Variants in ABCC11 observed in about 807,000 individuals in gnomAD.
ABCC11 encodes the protein ATP-binding cassette sub-family C member 11.
In ABCC11, 135 loss-of-function variants were observed where a neutral mutation model predicts 149.3. The observed-to-expected ratio is 0.90, with a 90% confidence interval of 0.79 to 1.04. The LOEUF is 1.04. Among genes scored for constraint, ABCC11 ranks in the 50% least tolerant of loss-of-function variants. ABCC11 has a pLI of 0.00. For missense variants in ABCC11, 1,680 were observed against 1,722.1 expected, an observed-to-expected ratio of 0.98 and a Z score of 0.43; for synonymous variants, 665 against 671.4, an observed-to-expected ratio of 0.99 and a Z score of 0.15.
chr16:48,246,338 T>G (rs1259508252), intron 1 of ABCC11, among the ~76,000 whole-genome samples: 1 of 152,238 alleles, frequency 6.6e-6, no homozygotes, highest in East Asian at 1.9e-4. Context: ...AACATACGAC[T>G]CTGCTCCTTC....
rs2150808368 is a variant in ABCC11 at position 48,197,962 on chromosome 16, C to T, written c.2314+9G>A. 5 of 1,613,584 alleles carry T rather than the reference C, an allele frequency of 3.1e-6. No individual in the cohort carries two copies. The highest frequency in any genetic ancestry group is 4.2e-6 in the Non-Finnish European group (5 of 1,179,854). On this transcript the variant is annotated intron_variant, in intron 17 of 29. Transcript: ENST00000356608. The stretch of plus-strand genomic sequence containing the variant: ...GCAGACATTCTTGTCCTATCTCCCA[C>T]ACCATTACCAGCATTTCCGTTGAGA...
chr16:48,221,905 T>C (rs1217238371), intron 6 of ABCC11, among the ~76,000 whole-genome samples: 1 of 151,658 alleles, frequency 6.6e-6, no homozygotes, highest in African/African-American at 2.4e-5. Flanking sequence ...CCATGCCTGG[T>C]TAATTTTTGT....
At chr16:48,244,896 C>T (rs189263230) in intron 1 of ABCC11, among the ~76,000 whole-genome samples, 19 of 152,328 alleles carry the variant, frequency 1.2e-4, no homozygotes, top group Admixed American at 5.9e-4. Flanking sequence ...TCTTCCCCCT[C>T]TCCGCAATTC....
At chr16:48,234,714 G>A (rs563075887) in intron 1 of ABCC11, among the ~76,000 whole-genome samples, 18 of 152,290 alleles carry the variant, frequency 1.2e-4, no homozygotes, top group African/African-American at 4.1e-4. Context: ...GAGAGTCATG[G>A]AGAGATCTTG....
At chr16:48,245,071 G>C (rs1971282349) in intron 1 of ABCC11, among the ~76,000 whole-genome samples, 1 of 151,880 alleles carries the variant, frequency 6.6e-6, no homozygotes, top group South Asian at 2.1e-4. Flanking sequence ...ATTTTTGTCC[G>C]CTGAGGCATT....
rs1596825965 is a variant in ABCC11 at position 48,225,122 on chromosome 16, G to A, written c.396-693C>T. 2.0e-5 allele frequency among the ~76,000 whole-genome samples: 3 copies of A among 151,870 alleles called. No individual in the cohort carries two copies. In the South Asian group the frequency reaches 6.3e-4, roughly 32 times the overall value. The stretch of plus-strand genomic sequence containing the variant: ...AGCTACTCGGGAGGCTGAGGCAGGA[G>A]AATGGCTTGAACCCGGGAGGTGAGT... On this transcript the variant is annotated intron_variant, in intron 4 of 29. Transcript: ENST00000356608.
Position 48,196,280 on chromosome 16 carries a change from C to T in ABCC11, c.2356G>A (p.Gly786Ser), listed in dbSNP as rs765235127. 5.0e-6 allele frequency: 8 copies of T among 1,614,178 alleles called. No homozygotes were observed. Among genetic ancestry groups the T allele is most frequent in the Non-Finnish European group, 5.9e-6 (7 of 1,180,026 alleles). Residue 786 changes from glycine (G) to serine (S), a missense_variant, in exon 18 of 30, where the codon GGC (glycine) becomes AGC (serine). Coordinates refer to ENST00000356608, the MANE Select transcript of ABCC11 (RefSeq NM_001370497.1). ...TGGTAGACCCTCCAACTCAAGGAGC[C>T]TTCTTCCATCTCCTCCTCCTGTGTG... Reference protein sequence around the residue: ...QLTQEEEMEEGSLSWRVYHHY... With the variant: ...QLTQEEEMEESSLSWRVYHHY...
At chr16:48,228,026 A>G in intron 3 of ABCC11, 62 bp from the exon 4 acceptor site, 1 of 1,478,002 alleles carries the variant, frequency 6.8e-7, no homozygotes, top group Non-Finnish European at 9.2e-7. Context: ...AGGATGAATG[A>G]CAACCATATT....
chr16:48,245,376 C>T (rs1339091693), intron 1 of ABCC11, among the ~76,000 whole-genome samples: 1 of 152,140 alleles, frequency 6.6e-6, no homozygotes, highest in African/African-American at 2.4e-5. Flanking sequence ...ACCTCTATTT[C>T]TTTTATTCTG....
At chr16:48,240,885 G>A (rs1244559498) in intron 1 of ABCC11, among the ~76,000 whole-genome samples, 12 of 151,788 alleles carry the variant, frequency 7.9e-5, no homozygotes, top group Admixed American at 6.6e-5. Context: ...GATTCAAATC[G>A]TCATTAATAA....
chr16:48,200,397 A>T lies in ABCC11; in HGVS notation c.1961T>A (p.Ile654Asn), dbSNP rs370988160. 1.2e-6 allele frequency: 2 copies of T among 1,614,104 alleles called. No individual in the cohort carries two copies. The highest frequency in any genetic ancestry group is 1.1e-5 in the South Asian group (1 of 91,092). The change falls in exon 15 of 30, where the codon ATC (isoleucine) becomes AAC (asparagine). Residue 654 changes from isoleucine to asparagine, a missense_variant. Ile to Asn is a moderately radical substitution (Grantham distance 149). Coordinates refer to ENST00000356608, the MANE Select transcript of ABCC11 (RefSeq NM_001370497.1). ...LARAVYSDRQIYLLDDPLSAV... is the reference protein window; with the variant it reads ...LARAVYSDRQNYLLDDPLSAV... The stretch of plus-strand genomic sequence containing the variant: ...AGACAGGGGGTCGTCCAGCAGGTAG[A>T]TCTGACGGTCGGAATAGACGGCGCG...
At position 48,167,610 on chromosome 16, in the gene ABCC11, G is replaced by A. The variant is rs757944315; in HGVS notation, c.3942C>T (p.Thr1314=). The change falls in exon 29 of 30, where the codon ACC becomes ACT. Residue 1314 remains threonine, a synonymous_variant. Transcript: ENST00000356608. ...CTTCACGGATTGTGCGCTGGATCAG[G>A]GTGTCTGTCTCCATGTCAATGGAGG... ...ATASIDMETD[T]LIQRTIREAF... is the part of the protein sequence containing the mutation. 2 of 1,612,430 alleles carry A rather than the reference G, an allele frequency of 1.2e-6. No individual in the cohort carries two copies. The highest frequency in any genetic ancestry group is 1.7e-6 in the Non-Finnish European group (2 of 1,180,014).
At chr16:48,205,838 T>G (rs1222004200) in intron 12 of ABCC11, among the ~76,000 whole-genome samples, 1 of 142,606 alleles carries the variant, frequency 7.0e-6, no homozygotes, top group Non-Finnish European at 1.5e-5. Context: ...TGAGACGGAG[T>G]CTCGCTCTGT....
At chr16:48,239,285 G>A (rs1454373179) in intron 1 of ABCC11, among the ~76,000 whole-genome samples, 1 of 152,124 alleles carries the variant, frequency 6.6e-6, no homozygotes, top group Non-Finnish European at 1.5e-5. Flanking sequence ...TAGAAGGGCT[G>A]GGCGAGGTGG....
Position 48,193,903 on chromosome 16 carries a change from G to A in ABCC11, c.2484C>T (p.Ser828=). Residue 828 remains serine (S), a synonymous_variant, in exon 19 of 30, where the codon AGC becomes AGT. Coordinates refer to ENST00000356608, the MANE Select transcript of ABCC11 (RefSeq NM_001370497.1). ...CCCCCGAGCCCTGCTCCAACCAGTA[G>A]CTCAGCCACCAGAAGCTGAAGATCG... is the stretch of plus-strand genomic sequence containing the variant. ...FLTIFSFWWL[S]YWLEQGSGTN... The A allele has an allele frequency of 2.5e-6, 4 of 1,613,914 alleles. No individual in the cohort carries two copies. Among genetic ancestry groups the A allele is most frequent in the Non-Finnish European group, 3.4e-6 (4 of 1,179,854 alleles).
At chr16:48,171,116 T>C in intron 26 of ABCC11, 149 bp from the exon 27 acceptor site, 1 of 745,760 alleles carries the variant, frequency 1.3e-6, no homozygotes, top group East Asian at 2.7e-5. Context: ...AGATTTTTTG[T>C]GCCTCCCAGC....
chr16:48,211,500 C>T (rs1284249851), intron 10 of ABCC11, among the ~76,000 whole-genome samples: 2 of 152,150 alleles, frequency 1.3e-5, no homozygotes, highest in African/African-American at 4.8e-5. Context: ...AGCCTCATCC[C>T]AAGTGATGAT....
chr16:48,243,688 T>C (rs1290953471), intron 1 of ABCC11, among the ~76,000 whole-genome samples: 1 of 152,142 alleles, frequency 6.6e-6, no homozygotes, highest in Non-Finnish European at 1.5e-5. Flanking sequence ...TGCTGTAGTT[T>C]TGTACATCTA....
At chr16:48,171,480 C>G (rs888781633) in intron 26 of ABCC11, among the ~76,000 whole-genome samples, 1 of 152,226 alleles carries the variant, frequency 6.6e-6, no homozygotes, top group Non-Finnish European at 1.5e-5. Flanking sequence ...TGGAACTCAG[C>G]CTTGGCCTCC....
Sources: gnomAD v4.1 joint callset for allele counts (sites outside exome capture counted in the v4.1 genomes callset) on GRCh38, gnomAD v4.1.1 for gene constraint, MANE v1.5 for transcripts, NCBI Gene and HGNC (gene_info 2026-07-23, HGNC 2026-07-21) for gene names.